TBL1X: variants seen among roughly 807,000 people sequenced by gnomAD.
TBL1X encodes the protein F-box-like/WD repeat-containing protein TBL1X.
In TBL1X, 10 loss-of-function variants were observed where a neutral mutation model predicts 50.7. The ratio of observed to expected loss-of-function variants is 0.20; its 90% CI spans 0.12 to 0.33. The LOEUF is 0.33. Among genes scored for constraint, TBL1X ranks in the 10% least tolerant of loss-of-function variants. TBL1X has a pLI of 1.00. For synonymous variants in TBL1X, 190 were observed against 214.7 expected, an observed-to-expected ratio of 0.88 and a Z score of 1.01; for missense variants, 340 against 504.4, an observed-to-expected ratio of 0.67 and a Z score of 3.12.
chrX:9,586,448 C>T (rs757183176), intron 2 of TBL1X, among the ~76,000 whole-genome samples: 2 of 112,527 alleles, frequency 1.8e-5, no homozygotes, highest in Non-Finnish European at 3.8e-5. Flanking sequence ...TACACAAATT[C>T]GTAGAGACAG....
chrX:9,656,192 C>T (rs999511151), intron 5 of TBL1X, among the ~76,000 whole-genome samples: 2 of 112,398 alleles, frequency 1.8e-5, no homozygotes, highest in African/African-American at 6.5e-5. Flanking sequence ...TGCCTCAGAG[C>T]CCATAGCTTT....
At chrX:9,474,524 A>G (rs1206814885) in intron 1 of TBL1X, among the ~76,000 whole-genome samples, 1 of 113,439 alleles carries the variant, frequency 8.8e-6, no homozygotes, top group African/African-American at 3.2e-5. Context: ...AGAATATGCA[A>G]TAACAGGGAA....
chrX:9,585,986 C>A (rs2082467753), intron 2 of TBL1X, among the ~76,000 whole-genome samples: 1 of 111,438 alleles, frequency 9.0e-6, no homozygotes, highest in Non-Finnish European at 1.9e-5. Flanking sequence ...ACAAAAAAAC[C>A]AACCCAAAAA....
At chrX:9,588,692 T>C (rs1476239825) in intron 2 of TBL1X, among the ~76,000 whole-genome samples, 1 of 109,000 alleles carries the variant, frequency 9.2e-6, no homozygotes, top group Non-Finnish European at 1.9e-5. Context: ...CAACCACCGC[T>C]TTCCAGGTTC....
At chrX:9,708,960 G>A (rs902658431) in intron 13 of TBL1X, among the ~76,000 whole-genome samples, 9 of 112,319 alleles carry the variant, frequency 8.0e-5, no homozygotes, top group African/African-American at 2.9e-4. Context: ...TATGGTATGT[G>A]ATTTCTTCAC....
At chrX:9,549,987 C>G (rs961039853) in intron 2 of TBL1X, among the ~76,000 whole-genome samples, 2 of 111,770 alleles carry the variant, frequency 1.8e-5, no homozygotes, top group Non-Finnish European at 3.8e-5. Context: ...GCCTTCAGCC[C>G]AGGAGGATGG....
At chrX:9,465,784 C>T (rs375859535) in intron 1 of TBL1X, among the ~76,000 whole-genome samples, 109 of 113,059 alleles carry the variant, frequency 9.6e-4, no homozygotes, top group African/African-American at 3.3e-3. Context: ...GCTTTTCCTC[C>T]GGTGCCCCTT....
intron 3 of TBL1X, among the ~76,000 whole-genome samples, chrX:9,648,891 A>T (rs912732702): frequency 9.8e-5 from 11 of 112,432 alleles, no homozygotes; most frequent in South Asian, 7.3e-4. Context: ...AAAGAGGAGG[A>T]GGAGGAATTT....
intron 1 of TBL1X, among the ~76,000 whole-genome samples, chrX:9,494,971 A>G (rs767242581): frequency 9.9e-5 from 11 of 111,674 alleles, no homozygotes; most frequent in Non-Finnish European, 1.7e-4. Flanking sequence ...CATTTCCCAC[A>G]TAAAACATGG....
In TBL1X at chrX:9,628,554, C is replaced by CTTTT. The variant is rs3043949; in HGVS notation, c.-130-11712_-130-11709dup. 5.4e-4 allele frequency among the ~76,000 whole-genome samples: 55 copies of CTTTT among 102,662 alleles called. No homozygotes were observed. The Middle Eastern group carries it at 0.014, about 27-fold the overall frequency. The allele number at this position is 102,662 out of a possible 115,157, so 89.1% of individuals were successfully genotyped here. A position where few individuals can be genotyped will look rare whatever the true frequency, so the allele number is the denominator to read the frequency against. ...TGGACTTTTTTTTTCTTTTTCTTTT[C>CTTTT]TTTTTTTTTTGAGACGGAGTCTTGC... is the stretch of plus-strand genomic sequence containing the variant. On this transcript the variant is annotated intron_variant, in intron 2 of 17. Transcript: ENST00000645353.
chrX:9,532,793 G>A (rs938550188), intron 2 of TBL1X, among the ~76,000 whole-genome samples: 1 of 111,369 alleles, frequency 9.0e-6, no homozygotes, highest in Non-Finnish European at 1.9e-5. Context: ...ATTAGGGCCC[G>A]TCCTAATGAC....
chrX:9,692,701 C>G (rs2083106096), intron 9 of TBL1X, among the ~76,000 whole-genome samples: 1 of 112,910 alleles, frequency 8.9e-6, no homozygotes, highest in African/African-American at 3.2e-5. Flanking sequence ...AGCCACTGCC[C>G]CCGGCCAGTC....
At chrX:9,583,931 G>A (rs926544258) in intron 2 of TBL1X, among the ~76,000 whole-genome samples, 3 of 111,879 alleles carry the variant, frequency 2.7e-5, no homozygotes, top group African/African-American at 9.8e-5. Context: ...TGAGAAAAAT[G>A]AAAAAAGACA....
At chrX:9,610,713 C>T (rs2146558261) in intron 2 of TBL1X, among the ~76,000 whole-genome samples, 1 of 112,316 alleles carries the variant, frequency 8.9e-6, no homozygotes, top group African/African-American at 3.2e-5. Context: ...TCATTTTAAG[C>T]ATGATTTCTG....
At chrX:9,531,630 C>T (rs192937438) in intron 2 of TBL1X, among the ~76,000 whole-genome samples, 15 of 110,292 alleles carry the variant, frequency 1.4e-4, no homozygotes, top group African/African-American at 4.3e-4. Flanking sequence ...CTGTGCGGGG[C>T]GCTGTGGCTC....
chrX:9,536,621 T>C (rs2082189325), intron 2 of TBL1X, among the ~76,000 whole-genome samples: 1 of 111,581 alleles, frequency 9.0e-6, no homozygotes, highest in Non-Finnish European at 1.9e-5. Context: ...ATAAGTTACA[T>C]TTGTCTTGCA....
At chrX:9,645,554 G>A (rs2082799887) in intron 3 of TBL1X, among the ~76,000 whole-genome samples, 1 of 111,737 alleles carries the variant, frequency 8.9e-6, no homozygotes, top group African/African-American at 3.3e-5. Context: ...TTTAAATGGA[G>A]GCGTCACTGC....
intron 5 of TBL1X, among the ~76,000 whole-genome samples, chrX:9,666,059 G>C (rs1369530483): frequency 8.9e-6 from 1 of 111,907 alleles, no homozygotes; most frequent in Non-Finnish European, 1.9e-5. Flanking sequence ...GGGATGGGCT[G>C]ATTGGCTTTG....
intron 5 of TBL1X, among the ~76,000 whole-genome samples, chrX:9,674,221 G>A (rs576097277): frequency 6.3e-5 from 7 of 111,856 alleles, no homozygotes; most frequent in African/African-American, 1.3e-4. Flanking sequence ...AATGAGCAGC[G>A]CAGCAGAGAA....
Sources: gnomAD v4.1 joint callset for allele counts (sites outside exome capture counted in the v4.1 genomes callset) on GRCh38, gnomAD v4.1.1 for gene constraint, MANE v1.5 for transcripts, NCBI Gene and HGNC (gene_info 2026-07-23, HGNC 2026-07-21) for gene names.